MACROD2: variants seen among roughly 807,000 people sequenced by gnomAD.
MACROD2 encodes the protein mono-ADP ribosylhydrolase 2, also known as ADP-ribose glycohydrolase MACROD2.
In MACROD2, 36 loss-of-function variants were observed where a neutral mutation model predicts 70.4. That is an observed-to-expected ratio of 0.51 (90% CI 0.39 to 0.68). MACROD2 has a LOEUF of 0.68. MACROD2 is among the 30% of genes least tolerant of loss of function. MACROD2 has a pLI of 0.00. For missense variants in MACROD2, 496 were observed against 538.4 expected (o/e 0.92, Z 0.78); for synonymous variants, 172 against 178.8 (o/e 0.96, Z 0.30).
At chr20:14,158,219 A>G (rs1192273124) in intron 3 of MACROD2, among the ~76,000 whole-genome samples, 1 of 152,068 alleles carries the variant, frequency 6.6e-6, no homozygotes, top group Non-Finnish European at 1.5e-5. Context: ...GGTCATTTGT[A>G]TGTCTTCTTT....
intron 5 of MACROD2, among the ~76,000 whole-genome samples, chr20:15,151,408 A>T (rs1262859015): frequency 2.0e-5 from 3 of 152,044 alleles, no homozygotes; most frequent in Non-Finnish European, 4.4e-5. Flanking sequence ...GGAGGCAAGG[A>T]ATTGCAACTC....
intron 6 of MACROD2, among the ~76,000 whole-genome samples, chr20:15,283,698 A>G (rs533035209): frequency 6.6e-6 from 1 of 152,242 alleles, no homozygotes; most frequent in African/African-American, 2.4e-5. Flanking sequence ...AAAACAAACA[A>G]AAACAAAAAA....
chr20:15,697,954 G>GT, intron 8 of MACROD2, among the ~76,000 whole-genome samples: 1 of 152,136 alleles, frequency 6.6e-6, no homozygotes, highest in East Asian at 1.9e-4. Context: ...GTCCTTATGT[G>GT]TTAGGTGAGT....
At position 15,993,839 on chromosome 20, in the gene MACROD2, A is replaced by G. The variant is rs114102735; in HGVS notation, c.1153+6681A>G. Among the ~76,000 whole-genome samples, 627 of 152,274 alleles carry G rather than the reference A, an allele frequency of 4.1e-3. 1 individual carries two copies. The highest frequency in any genetic ancestry group is 0.013 in the African/African-American group (557 of 41,552). On this transcript the variant is annotated intron_variant, in intron 15 of 17. Transcript: ENST00000684519. ...ATGAACAAATCTCATTTTCATTACTACAAGTTTTCTACATGTTACCTTCTA... is the reference window on the plus strand; with the variant it reads ...ATGAACAAATCTCATTTTCATTACTGCAAGTTTTCTACATGTTACCTTCTA...
At chr20:14,443,649 G>A (rs2084151858) in intron 3 of MACROD2, among the ~76,000 whole-genome samples, 1 of 152,022 alleles carries the variant, frequency 6.6e-6, no homozygotes, top group Non-Finnish European at 1.5e-5. Context: ...TTCTTTTTAT[G>A]GGGAAAATGT....
chr20:14,436,550 C>T (rs576084493), intron 3 of MACROD2, among the ~76,000 whole-genome samples: 4 of 152,296 alleles, frequency 2.6e-5, no homozygotes, highest in African/African-American at 9.6e-5. Flanking sequence ...CTTCCATATG[C>T]GTACTCCCTA....
chr20:15,876,699 A>G (rs943726873), intron 9 of MACROD2, among the ~76,000 whole-genome samples: 5 of 152,184 alleles, frequency 3.3e-5, no homozygotes, highest in Admixed American at 6.5e-5. Flanking sequence ...ACTGTCTTCC[A>G]CAATGGTTGA....
intron 8 of MACROD2, among the ~76,000 whole-genome samples, chr20:15,780,639 T>C (rs2051815395): frequency 6.6e-6 from 1 of 152,106 alleles, no homozygotes; most frequent in African/African-American, 2.4e-5. Context: ...ATTCTAACTA[T>C]TGTTTGATGA....
intron 3 of MACROD2, among the ~76,000 whole-genome samples, chr20:14,409,122 G>A (rs543216801): frequency 2.9e-4 from 42 of 147,122 alleles, no homozygotes; most frequent in African/African-American, 1.0e-3. Flanking sequence ...CTTGCTCTAC[G>A]CTCTTCTTCT....
chr20:15,003,247 G>A (rs925954491), intron 5 of MACROD2, among the ~76,000 whole-genome samples: 1 of 152,158 alleles, frequency 6.6e-6, no homozygotes, highest in Non-Finnish European at 1.5e-5. Context: ...GTAGTCAGGG[G>A]AAATAAGACA....
chr20:15,577,941 A>G (rs2048471529), intron 8 of MACROD2, among the ~76,000 whole-genome samples: 1 of 152,222 alleles, frequency 6.6e-6, no homozygotes, highest in African/African-American at 2.4e-5. Flanking sequence ...ACCTTTAGAT[A>G]TTAGCAAAGG....
chr20:15,642,577 G>A (rs951016214), intron 8 of MACROD2, among the ~76,000 whole-genome samples: 16 of 143,242 alleles, frequency 1.1e-4, no homozygotes, highest in African/African-American at 4.1e-4. Context: ...AGGGAAGTAG[G>A]GAACTGTGTA....
At chr20:15,947,416 C>T (rs900163538) in intron 12 of MACROD2, among the ~76,000 whole-genome samples, 1 of 138,208 alleles carries the variant, frequency 7.2e-6, no homozygotes, top group Non-Finnish European at 1.6e-5. Flanking sequence ...ATGGCAATGA[C>T]TTTTACCAAG....
chr20:14,644,950 G>A (rs183568190), intron 4 of MACROD2, among the ~76,000 whole-genome samples: 1 of 152,074 alleles, frequency 6.6e-6, no homozygotes. Context: ...ATGACTACAG[G>A]ATACTACATT....
In MACROD2 at chr20:15,644,594, T is replaced by G. The variant is rs1037064552; in HGVS notation, c.645+144747T>G. 2.6e-5 allele frequency among the ~76,000 whole-genome samples: 4 copies of G among 152,350 alleles called. No homozygotes were observed. The East Asian group carries it at 7.7e-4, about 29-fold the overall frequency. ...CTCTATGGTTTTATTTTTATAAGAA[T>G]TAGTTTATACAGTTCTCACAAGCAG... On this transcript the variant is annotated intron_variant, in intron 8 of 17. Coordinates refer to ENST00000684519, the MANE Select transcript of MACROD2 (RefSeq NM_001351661.2).
intron 15 of MACROD2, among the ~76,000 whole-genome samples, chr20:16,015,486 C>T (rs2066917354): frequency 6.6e-6 from 1 of 152,172 alleles, no homozygotes; most frequent in Non-Finnish European, 1.5e-5. Flanking sequence ...GGCTCTCTTA[C>T]AGAATTTCCC....
intron 15 of MACROD2, among the ~76,000 whole-genome samples, chr20:16,038,573 A>G (rs2067265838): frequency 1.3e-5 from 2 of 151,584 alleles, no homozygotes; most frequent in Admixed American, 1.3e-4. Flanking sequence ...TGACTTTTGA[A>G]AAAGTATCCA....
intron 4 of MACROD2, among the ~76,000 whole-genome samples, chr20:14,608,199 T>C (rs1982932072): frequency 1.3e-5 from 2 of 152,086 alleles, no homozygotes; most frequent in South Asian, 4.2e-4. Context: ...GAGGTTGTAG[T>C]GAGCTGACAT....
At chr20:15,093,963 G>A (rs79226645) in intron 5 of MACROD2, among the ~76,000 whole-genome samples, 5,177 of 152,274 alleles carry the variant, frequency 0.034, 143 homozygotes, top group South Asian at 0.11. Flanking sequence ...GATAGAGCCA[G>A]CTTATCACCT....
Sources: allele counts gnomAD v4.1 joint callset (sites outside exome capture counted in the v4.1 genomes callset), GRCh38; gene constraint gnomAD v4.1.1; transcripts MANE v1.5; gene names NCBI Gene and HGNC (gene_info 2026-07-23, HGNC 2026-07-21).